HS3ST4: variants seen among roughly 807,000 people sequenced by gnomAD.
HS3ST4 encodes the protein heparan sulfate-glucosamine 3-sulfotransferase 4, also known as heparan sulfate glucosamine 3-O-sulfotransferase 4.
In HS3ST4, 17 loss-of-function variants were observed where a neutral mutation model predicts 29.2. The ratio of observed to expected loss-of-function variants is 0.58; its 90% confidence interval spans 0.40 to 0.87. The LOEUF is 0.87. HS3ST4 is among the 40% of genes least tolerant of loss of function. The pLI is 0.00. For synonymous variants in HS3ST4, 314 were observed against 285.7 expected (o/e 1.10, Z -1.00); for missense variants, 627 against 634.5 (o/e 0.99, Z 0.13).
intron 1 of HS3ST4, among the ~76,000 whole-genome samples, chr16:26,055,258 TG>T (rs1898393457): frequency 6.6e-6 from 1 of 152,120 alleles, no homozygotes; most frequent in South Asian, 2.1e-4. Flanking sequence ...GCTCTGGCAT[TG>T]AGAAGATGTG....
At chr16:25,895,141 ATGTGTG>A (rs61699119) in intron 1 of HS3ST4, among the ~76,000 whole-genome samples, 3 of 148,810 alleles carry the variant, frequency 2.0e-5, no homozygotes, top group Admixed American at 6.7e-5. Flanking sequence ...GTGAGGCAGG[ATGTGTG>A]TGTGTGTGTG....
intron 1 of HS3ST4, among the ~76,000 whole-genome samples, chr16:25,895,058 T>G (rs34123567): frequency 6.6e-6 from 1 of 151,924 alleles, no homozygotes; most frequent in Non-Finnish European, 1.5e-5. Context: ...ATGAGAGTTA[T>G]AACAAGAGTA....
intron 1 of HS3ST4, among the ~76,000 whole-genome samples, chr16:25,799,594 A>G (rs1966911604): frequency 6.6e-6 from 1 of 152,118 alleles, no homozygotes; most frequent in African/African-American, 2.4e-5. Flanking sequence ...ACCAATGTGA[A>G]CTCTGGAGAC....
intron 1 of HS3ST4, among the ~76,000 whole-genome samples, chr16:26,069,007 A>C (rs933283380): frequency 2.6e-5 from 4 of 152,182 alleles, no homozygotes; most frequent in African/African-American, 9.7e-5. Flanking sequence ...GCTGGAGTGC[A>C]GTGACTCAGT....
chr16:25,996,217 G>A (rs1969157850), intron 1 of HS3ST4, among the ~76,000 whole-genome samples: 1 of 152,098 alleles, frequency 6.6e-6, no homozygotes, highest in Non-Finnish European at 1.5e-5. Flanking sequence ...TATCTTCTTA[G>A]ACTCAAAGAA....
chr16:26,030,131 C>T (rs955800740), intron 1 of HS3ST4, among the ~76,000 whole-genome samples: 1 of 152,228 alleles, frequency 6.6e-6, no homozygotes, highest in South Asian at 2.1e-4. Flanking sequence ...CATGTGATCA[C>T]TGGGTATGGT....
chr16:25,745,641 A>G (rs1966680505), intron 1 of HS3ST4, among the ~76,000 whole-genome samples: 1 of 152,182 alleles, frequency 6.6e-6, no homozygotes, highest in Non-Finnish European at 1.5e-5. Flanking sequence ...AAACATTTGT[A>G]TCACCCAGAA....
chr16:26,072,778 T>C (rs1362736989), intron 1 of HS3ST4, among the ~76,000 whole-genome samples: 1 of 152,180 alleles, frequency 6.6e-6, no homozygotes, highest in Non-Finnish European at 1.5e-5. Flanking sequence ...AACTTTTCCA[T>C]GAAAACAAGA....
rs12103055 is a variant in HS3ST4, at chr16:25,811,725, G to A, written c.734+118574G>A. 2.4e-3 allele frequency among the ~76,000 whole-genome samples: 363 copies of A among 152,130 alleles called. 3 individuals carry two copies. Among genetic ancestry groups the A allele is most frequent in the African/African-American group, 8.0e-3 (331 of 41,518 alleles). On this transcript the variant is annotated intron_variant, in intron 1 of 1. Transcript: ENST00000331351. ...TGGGATTACAGGCATGAGCCACTGCGCCCGGCCAGTAACATTTTCTTTTGT... is the reference window on the plus strand; with the variant it reads ...TGGGATTACAGGCATGAGCCACTGCACCCGGCCAGTAACATTTTCTTTTGT...
chr16:25,939,129 A>T (rs1242770408), intron 1 of HS3ST4, among the ~76,000 whole-genome samples: 1 of 152,078 alleles, frequency 6.6e-6, no homozygotes, highest in East Asian at 1.9e-4. Flanking sequence ...AGAAACACAC[A>T]TACCTCATTG....
intron 1 of HS3ST4, among the ~76,000 whole-genome samples, chr16:25,985,612 C>A (rs188707993): frequency 1.2e-4 from 19 of 152,062 alleles, no homozygotes; most frequent in Admixed American, 1.1e-3. Flanking sequence ...TCTCCTCCCC[C>A]CCTTTAAAAA....
chr16:25,746,892 G>A (rs544845240), intron 1 of HS3ST4, among the ~76,000 whole-genome samples: 2 of 151,720 alleles, frequency 1.3e-5, no homozygotes, highest in African/African-American at 4.8e-5. Context: ...TCCATCACCC[G>A]TGCTGAAATG....
intron 1 of HS3ST4, among the ~76,000 whole-genome samples, chr16:25,808,695 A>G (rs911708951): frequency 4.6e-5 from 7 of 152,184 alleles, no homozygotes; most frequent in African/African-American, 1.2e-4. Context: ...ATAGATCACT[A>G]TGGGGAGACT....
chr16:26,074,102 A>G (rs925308885), intron 1 of HS3ST4, among the ~76,000 whole-genome samples: 4 of 151,952 alleles, frequency 2.6e-5, no homozygotes, highest in African/African-American at 9.7e-5. Context: ...AAAGCCTTCC[A>G]CTTACATGAA....
At chr16:26,093,037 A>G (rs2141790858) in intron 1 of HS3ST4, among the ~76,000 whole-genome samples, 1 of 152,238 alleles carries the variant, frequency 6.6e-6, no homozygotes, top group Non-Finnish European at 1.5e-5. Flanking sequence ...TGGCCGGGAG[A>G]GGGGTGTCCA....
chr16:26,078,074 T>C (rs1320746814), intron 1 of HS3ST4, among the ~76,000 whole-genome samples: 1 of 152,174 alleles, frequency 6.6e-6, no homozygotes, highest in Non-Finnish European at 1.5e-5. Flanking sequence ...TCAAAAAATA[T>C]GTAAAAAAAT....
At chr16:26,112,381 C>CTT (rs386384539) in intron 1 of HS3ST4, among the ~76,000 whole-genome samples, 2,406 of 111,892 alleles carry the variant, frequency 0.022, 144 homozygotes, top group African/African-American at 0.068. Flanking sequence ...GCCTCTACAT[C>CTT]TTTTTTTTTT....
At chr16:25,879,122 T>G (rs932319053) in intron 1 of HS3ST4, among the ~76,000 whole-genome samples, 3 of 152,180 alleles carry the variant, frequency 2.0e-5, no homozygotes, top group African/African-American at 7.2e-5. Context: ...AGAGGTCCAT[T>G]TAATTCTGAA....
rs563072487 is a variant in HS3ST4, at chr16:26,090,810, C to T, written c.735-44802C>T. On this transcript the variant is annotated intron_variant, in intron 1 of 1. Coordinates refer to ENST00000331351, the MANE Select transcript of HS3ST4 (RefSeq NM_006040.3). ...ATGCCAGAGAGAGCTGGATAATTCT[C>T]CACCACCCTGGCCCCACCCCTCACC... 2.6e-3 allele frequency among the ~76,000 whole-genome samples: 397 copies of T among 152,230 alleles called. 1 individual carries two copies. Among genetic ancestry groups the T allele is most frequent in the African/African-American group, 9.1e-3 (380 of 41,548 alleles).
Sources: gnomAD v4.1 joint callset for allele counts (sites outside exome capture counted in the v4.1 genomes callset) on GRCh38, gnomAD v4.1.1 for gene constraint, MANE v1.5 for transcripts, NCBI Gene and HGNC (gene_info 2026-07-23, HGNC 2026-07-21) for gene names.